PTPRD: variants seen among roughly 807,000 people sequenced by gnomAD.
PTPRD encodes protein tyrosine phosphatase receptor type D.
In PTPRD, 34 loss-of-function variants were observed where a neutral mutation model predicts 214.5. The ratio of observed to expected loss-of-function variants is 0.16; its 90% CI spans 0.12 to 0.21. The LOEUF is 0.21. PTPRD is among the 10% of genes least tolerant of loss of function. The pLI, the probability that PTPRD is intolerant of heterozygous loss-of-function variation, is 1.00. For synonymous variants in PTPRD, 1,128 were observed against 845.7 expected (o/e 1.33, Z -5.79); for missense variants, 2,545 against 2,398.7 (o/e 1.06, Z -1.27).
intron 14 of PTPRD, among the ~76,000 whole-genome samples, chr9:8,544,562 T>C (rs1043704621): frequency 2.7e-5 from 4 of 149,208 alleles, no homozygotes; most frequent in Non-Finnish European, 4.4e-5. Flanking sequence ...CTCCACCTCC[T>C]GGGTTCCAGT....
At chr9:9,084,158 C>T (rs1033269827) in intron 10 of PTPRD, among the ~76,000 whole-genome samples, 9 of 152,074 alleles carry the variant, frequency 5.9e-5, no homozygotes, top group Non-Finnish European at 1.3e-4. Flanking sequence ...AACCCAAATG[C>T]CCATCAATGA....
At chr9:8,501,122 AAT>A in intron 23 of PTPRD, 63 bp from the exon 24 acceptor site, 1 of 1,310,724 alleles carries the variant, frequency 7.6e-7, no homozygotes, top group Admixed American at 2.6e-5. Context: ...TGAAAAAAAA[AAT>A]GATAAAACAA....
Position 8,389,422 on chromosome 9 carries a change from G to T in PTPRD, c.4211-15C>A, listed in dbSNP as rs777430602. On this transcript the variant is annotated splice_polypyrimidine_tract_variant and intron_variant, in intron 36 of 45. Coordinates refer to ENST00000381196, the MANE Select transcript of PTPRD (RefSeq NM_002839.4). The stretch of plus-strand genomic sequence containing the variant: ...TCCTGGGATCCCTGGAAAACAAGGA[G>T]TGTTATTCAACCAGGTGAGCACATC... 1.3e-6 allele frequency: 2 copies of T among 1,599,870 alleles called. No homozygotes were observed. Among genetic ancestry groups the T allele is most frequent in the East Asian group, 4.5e-5 (2 of 44,438 alleles).
intron 11 of PTPRD, among the ~76,000 whole-genome samples, chr9:8,810,153 T>C (rs2096772386): frequency 6.6e-6 from 1 of 152,230 alleles, no homozygotes; most frequent in Non-Finnish European, 1.5e-5. Context: ...TCATATTTTT[T>C]GTAATTGATG....
At position 9,321,102 on chromosome 9, in the gene PTPRD, C is replaced by T. The variant is rs114430386; in HGVS notation, c.-203+76347G>A. ...CCAACACTGAGACACAAATTAACAT[C>T]ACTGCATTAGGTATCTTCTTGTAAA... On this transcript the variant is annotated intron_variant, in intron 9 of 45. Transcript: ENST00000381196. Among the ~76,000 whole-genome samples, 990 of 152,254 alleles carry T rather than the reference C, an allele frequency of 6.5e-3. 11 individuals are homozygous for T. The highest frequency in any genetic ancestry group is 0.023 in the African/African-American group (937 of 41,552).
At chr9:9,366,833 C>A (rs1181771894) in intron 9 of PTPRD, among the ~76,000 whole-genome samples, 1 of 150,722 alleles carries the variant, frequency 6.6e-6, no homozygotes, top group African/African-American at 2.4e-5. Flanking sequence ...GAGCTAAATA[C>A]ATTAAGGTAA....
chr9:9,291,373 G>C (rs990433658), intron 9 of PTPRD, among the ~76,000 whole-genome samples: 1 of 151,426 alleles, frequency 6.6e-6, no homozygotes, highest in Non-Finnish European at 1.5e-5. Flanking sequence ...ATAAAGAAAT[G>C]TCAGGCTTTC....
intron 2 of PTPRD, among the ~76,000 whole-genome samples, chr9:10,346,237 A>C (rs774966887): frequency 2.0e-5 from 3 of 152,216 alleles, no homozygotes; most frequent in Non-Finnish European, 4.4e-5. Context: ...AATGTCATCC[A>C]AAACAAGAAC....
At chr9:9,624,660 C>T (rs2095361950) in intron 7 of PTPRD, among the ~76,000 whole-genome samples, 1 of 152,056 alleles carries the variant, frequency 6.6e-6, no homozygotes, top group Non-Finnish European at 1.5e-5. Context: ...CTGAAACCCA[C>T]CACAAAGTTA....
intron 39 of PTPRD, among the ~76,000 whole-genome samples, chr9:8,355,681 C>T (rs955256094): frequency 6.6e-6 from 1 of 152,130 alleles, no homozygotes; most frequent in Admixed American, 6.5e-5. Flanking sequence ...GTATCAATCG[C>T]CATGCAGTGT....
At chr9:9,523,035 A>T (rs1273436032) in intron 8 of PTPRD, among the ~76,000 whole-genome samples, 2 of 152,182 alleles carry the variant, frequency 1.3e-5, no homozygotes, top group Non-Finnish European at 2.9e-5. Flanking sequence ...TTAAAAAGTG[A>T]CCTAACTTAA....
chr9:9,199,419 C>T (rs1232991620), intron 9 of PTPRD, among the ~76,000 whole-genome samples: 1 of 152,104 alleles, frequency 6.6e-6, no homozygotes, highest in Non-Finnish European at 1.5e-5. Context: ...ACACCAGAGT[C>T]CTTAACCAGA....
At chr9:9,525,014 C>A (rs538570908) in intron 8 of PTPRD, among the ~76,000 whole-genome samples, 1 of 152,150 alleles carries the variant, frequency 6.6e-6, no homozygotes, top group African/African-American at 2.4e-5. Flanking sequence ...CCCGCCACCA[C>A]GCCCGGCTAA....
intron 8 of PTPRD, among the ~76,000 whole-genome samples, chr9:9,415,634 C>A (rs1338338077): frequency 6.6e-6 from 1 of 152,050 alleles, no homozygotes; most frequent in African/African-American, 2.4e-5. Flanking sequence ...AATACCTAAC[C>A]TGTACAAAAA....
At chr9:10,228,020 T>G (rs2099594954) in intron 3 of PTPRD, among the ~76,000 whole-genome samples, 2 of 151,994 alleles carry the variant, frequency 1.3e-5, no homozygotes, top group South Asian at 4.1e-4. Flanking sequence ...AAATTCTGGC[T>G]GTAATATAGG....
At chr9:9,434,695 G>A (rs985225609) in intron 8 of PTPRD, among the ~76,000 whole-genome samples, 2 of 151,868 alleles carry the variant, frequency 1.3e-5, no homozygotes, top group Non-Finnish European at 2.9e-5. Context: ...GAACACAACA[G>A]AGAACCCAGA....
rs192313149 is a variant in PTPRD at position 10,389,695 on chromosome 9, C to T, written c.-599-48678G>A. Among the ~76,000 whole-genome samples, 3 of 151,942 alleles carry T rather than the reference C, an allele frequency of 2.0e-5. No homozygotes were observed. In the South Asian group the frequency reaches 6.2e-4, roughly 32 times the overall value. ...ATGACCTCTGTTCTGACTCCACATC[C>T]TTGATTTTCTCCATACCACTCATCA... On this transcript the variant is annotated intron_variant, in intron 2 of 45. Coordinates refer to ENST00000381196, the MANE Select transcript of PTPRD (RefSeq NM_002839.4).
intron 2 of PTPRD, among the ~76,000 whole-genome samples, chr9:10,554,373 C>T (rs1043848266): frequency 7.2e-5 from 11 of 152,118 alleles, no homozygotes; most frequent in African/African-American, 2.7e-4. Flanking sequence ...TTTCCAGGTG[C>T]AATCTTCTTA....
At chr9:9,087,598 G>A (rs193116130) in intron 10 of PTPRD, among the ~76,000 whole-genome samples, 1 of 152,204 alleles carries the variant, frequency 6.6e-6, no homozygotes, top group Non-Finnish European at 1.5e-5. Flanking sequence ...TGCCAGATAA[G>A]TTACTTACAT....
Sources: allele counts gnomAD v4.1 joint callset (sites outside exome capture counted in the v4.1 genomes callset), GRCh38; gene constraint gnomAD v4.1.1; transcripts MANE v1.5; gene names NCBI Gene and HGNC (gene_info 2026-07-23, HGNC 2026-07-21).